Variants in PGCKA1 observed in about 807,000 individuals in gnomAD.
PGCKA1 encodes the protein PDCD10 and GCKIII kinases-associated protein 1.
At chr4:37,522,968 C>G in the PGCKA1 span, among the ~76,000 whole-genome samples, 1 of 152,106 alleles carries the variant, frequency 6.6e-6, no homozygotes, top group African/African-American at 2.4e-5. Context: ...GTGATGCCAG[C>G]ACTCCCTTAG....
chr4:37,580,674 C>A, the PGCKA1 span, among the ~76,000 whole-genome samples: 1 of 152,186 alleles, frequency 6.6e-6, no homozygotes, highest in Non-Finnish European at 1.5e-5. Context: ...CCCTTGTGGC[C>A]ATGATCACTA....
chr4:37,549,065 G>GC, the PGCKA1 span, among the ~76,000 whole-genome samples: 118,585 of 151,758 alleles, frequency 0.78, 46,612 homozygotes, highest in African/African-American at 0.87. Flanking sequence ...CTGCAGGTCA[G>GC]ACCCGAGGGC....
chr4:37,464,708 CT>C, the PGCKA1 span, among the ~76,000 whole-genome samples: 2 of 152,184 alleles, frequency 1.3e-5, no homozygotes, highest in Non-Finnish European at 2.9e-5. Flanking sequence ...GGGATTTCCC[CT>C]GAATTTCTAA....
the PGCKA1 span, among the ~76,000 whole-genome samples, chr4:37,481,872 G>A: frequency 1.3e-5 from 2 of 152,148 alleles, no homozygotes; most frequent in Non-Finnish European, 2.9e-5. Flanking sequence ...CATGGGGGCA[G>A]TTTCCCTTAT....
chr4:37,548,399 G>A, the PGCKA1 span, among the ~76,000 whole-genome samples: 1 of 152,092 alleles, frequency 6.6e-6, no homozygotes, highest in Non-Finnish European at 1.5e-5. Flanking sequence ...AATGTTAATT[G>A]TAAAGAAAAT....
the PGCKA1 span, among the ~76,000 whole-genome samples, chr4:37,585,025 C>A: frequency 1.6e-5 from 2 of 123,180 alleles, no homozygotes; most frequent in East Asian, 2.6e-4. Context: ...TTTTTTTTTA[C>A]TACCTATCCT....
the PGCKA1 span, among the ~76,000 whole-genome samples, chr4:37,456,989 A>AT: frequency 2.0e-5 from 3 of 152,246 alleles, no homozygotes; most frequent in African/African-American, 7.2e-5. Context: ...TTCAAAATAC[A>AT]TTTTCTCTAG....
chr4:37,556,113 A>C, the PGCKA1 span, among the ~76,000 whole-genome samples: 13 of 152,164 alleles, frequency 8.5e-5, no homozygotes, highest in Non-Finnish European at 1.3e-4. Flanking sequence ...GGCTTGTCAC[A>C]CAGTAGGAAT....
At chr4:37,548,063 TA>T in the PGCKA1 span, among the ~76,000 whole-genome samples, 3 of 150,754 alleles carry the variant, frequency 2.0e-5, no homozygotes, top group African/African-American at 7.3e-5. Context: ...TGTTATATGG[TA>T]AATTCTTGTC....
the PGCKA1 span, among the ~76,000 whole-genome samples, chr4:37,579,165 C>G: frequency 2.6e-5 from 4 of 152,108 alleles, no homozygotes; most frequent in African/African-American, 7.2e-5. Context: ...AACAAAGATT[C>G]TAACTTCATC....
the PGCKA1 span, among the ~76,000 whole-genome samples, chr4:37,505,559 G>A: frequency 6.6e-6 from 1 of 152,156 alleles, no homozygotes; most frequent in Non-Finnish European, 1.5e-5. Context: ...TGGCTGGGGA[G>A]GCCTCACAAT....
At chr4:37,528,649 A>G in the PGCKA1 span, among the ~76,000 whole-genome samples, 183 of 152,328 alleles carry the variant, frequency 1.2e-3, no homozygotes, top group Non-Finnish European at 2.3e-3. Context: ...GCAATTGCCC[A>G]GAGAGAGGAG....
At chr4:37,558,221 T>G in the PGCKA1 span, 1 of 152,034 alleles carries the variant, frequency 6.6e-6, no homozygotes, top group Non-Finnish European at 1.5e-5. Context: ...CAAAGTCTCC[T>G]TCTTTCTGAC....
At chr4:37,505,371 AT>A in the PGCKA1 span, among the ~76,000 whole-genome samples, 1 of 151,802 alleles carries the variant, frequency 6.6e-6, no homozygotes, top group South Asian at 2.1e-4. Context: ...TGGGCCTGTC[AT>A]TTTTTTTGTT....
the PGCKA1 span, among the ~76,000 whole-genome samples, chr4:37,567,061 C>CT: frequency 0.21 from 30,602 of 149,152 alleles, 3,364 homozygotes; most frequent in Non-Finnish European, 0.27. Context: ...ATCCAGCGGA[C>CT]AAAAAAAAAT....
At chr4:37,491,115 C>G in the PGCKA1 span, among the ~76,000 whole-genome samples, 2 of 152,160 alleles carry the variant, frequency 1.3e-5, no homozygotes, top group African/African-American at 4.8e-5. Flanking sequence ...CAGTCCTCAG[C>G]CAGCCAGCCT....
chr4:37,580,761 A>G, the PGCKA1 span, among the ~76,000 whole-genome samples: 1 of 152,194 alleles, frequency 6.6e-6, no homozygotes, highest in Non-Finnish European at 1.5e-5. Flanking sequence ...CTAGCTAGCT[A>G]GCTCCAATGT....
chr4:37,474,251 C>T, the PGCKA1 span, among the ~76,000 whole-genome samples: 4 of 152,098 alleles, frequency 2.6e-5, no homozygotes, highest in Admixed American at 6.6e-5. Flanking sequence ...TTCTTTCTCA[C>T]GGGTTTCTCT....
At chr4:37,478,932 C>G in the PGCKA1 span, among the ~76,000 whole-genome samples, 1 of 152,192 alleles carries the variant, frequency 6.6e-6, no homozygotes, top group Non-Finnish European at 1.5e-5. Context: ...TTAAATATAT[C>G]CTGATTAATT....
Sources: gnomAD v4.1 joint callset for allele counts (sites outside exome capture counted in the v4.1 genomes callset) on GRCh38, gnomAD v4.1.1 for gene constraint, MANE v1.5 for transcripts, NCBI Gene and HGNC (gene_info 2026-07-23, HGNC 2026-07-21) for gene names.